NXPE2: variants seen among roughly 807,000 people sequenced by gnomAD.
The protein encoded by NXPE2 is neurexophilin and PC-esterase domain family member 2, also known as NXPE family member 2.
A neutral mutation model predicts 34.4 loss-of-function variants in NXPE2; 34 were observed. The observed-to-expected ratio is 0.99, with a 90% CI of 0.75 to 1.31. NXPE2 has a LOEUF of 1.31. Ranked by LOEUF, NXPE2 falls within the 40% of genes most tolerant of loss-of-function variation. The pLI is 0.00. For missense variants in NXPE2, 649 were observed against 672.5 expected, an observed-to-expected ratio of 0.97 and a Z score of 0.39; for synonymous variants, 235 against 231.3, an observed-to-expected ratio of 1.02 and a Z score of -0.15.
the NXPE2 span, among the ~76,000 whole-genome samples, chr11:114,633,406 T>A: frequency 2.7e-5 from 4 of 145,504 alleles, no homozygotes; most frequent in Non-Finnish European, 6.0e-5. Flanking sequence ...TATATTATAT[T>A]TTATTATATG....
the NXPE2 span, chr11:114,523,168 T>C: frequency 5.8e-6 from 6 of 1,038,822 alleles, no homozygotes; most frequent in African/African-American, 7.9e-5. Context: ...TCTTTCATTT[T>C]CTTGCTCTCT....
the NXPE2 span, among the ~76,000 whole-genome samples, chr11:114,801,820 T>C: frequency 6.6e-6 from 1 of 152,088 alleles, no homozygotes; most frequent in Admixed American, 6.5e-5. Flanking sequence ...TACTATTTAC[T>C]GAGATGGGAA....
At chr11:114,809,115 C>T in the NXPE2 span, among the ~76,000 whole-genome samples, 5 of 152,006 alleles carry the variant, frequency 3.3e-5, no homozygotes, top group Admixed American at 6.6e-5. Context: ...TCAATAGATG[C>T]AGAAAAGGCC....
At chr11:114,472,571 A>T in the NXPE2 span, among the ~76,000 whole-genome samples, 1 of 152,220 alleles carries the variant, frequency 6.6e-6, no homozygotes, top group East Asian at 1.9e-4. Context: ...AAAATAGCAT[A>T]GACTGGGTGG....
chr11:114,808,617 A>G, the NXPE2 span, among the ~76,000 whole-genome samples: 4 of 115,076 alleles, frequency 3.5e-5, no homozygotes, highest in Non-Finnish European at 7.3e-5. Context: ...ATTCCTCGAC[A>G]CATGCATCCT....
the NXPE2 span, among the ~76,000 whole-genome samples, chr11:114,602,654 C>G: frequency 7.1e-6 from 1 of 141,024 alleles, no homozygotes; most frequent in African/African-American, 2.6e-5. Context: ...ATAATTTTCT[C>G]ATATATAATA....
At chr11:114,696,294 T>G (rs1228434578) in intron 2 of NXPE2, among the ~76,000 whole-genome samples, 1 of 136,066 alleles carries the variant, frequency 7.3e-6, no homozygotes, top group African/African-American at 2.8e-5. Context: ...ATTGTGCCAC[T>G]GCAATCCAGC....
the NXPE2 span, among the ~76,000 whole-genome samples, chr11:114,496,166 G>A: frequency 6.6e-6 from 1 of 152,106 alleles, no homozygotes; most frequent in Non-Finnish European, 1.5e-5. Context: ...AGCCCATGGT[G>A]GTGGGTCTTG....
At chr11:114,670,572 G>A in the NXPE2 span, among the ~76,000 whole-genome samples, 4 of 151,946 alleles carry the variant, frequency 2.6e-5, no homozygotes, top group African/African-American at 9.6e-5. Context: ...CACACCTGTG[G>A]TCCTAGCTAC....
the NXPE2 span, among the ~76,000 whole-genome samples, chr11:114,578,362 G>A: frequency 6.6e-6 from 1 of 152,152 alleles, no homozygotes; most frequent in Non-Finnish European, 1.5e-5. Flanking sequence ...ATTAAAAGAT[G>A]AGTCGAAGAG....
the NXPE2 span, among the ~76,000 whole-genome samples, chr11:114,467,147 C>T: frequency 1.3e-5 from 2 of 152,112 alleles, no homozygotes; most frequent in East Asian, 1.9e-4. Context: ...CAAAGGAAAA[C>T]ATCTATCTGT....
chr11:114,622,766 C>T, the NXPE2 span, among the ~76,000 whole-genome samples: 7 of 152,046 alleles, frequency 4.6e-5, no homozygotes, highest in Admixed American at 2.6e-4. Context: ...AGTGTTGCCT[C>T]ATGGGTAATC....
chr11:114,614,405 C>A, the NXPE2 span, among the ~76,000 whole-genome samples: 3 of 151,800 alleles, frequency 2.0e-5, no homozygotes, highest in African/African-American at 7.3e-5. Flanking sequence ...TCTAGGGTAA[C>A]CACTGTTACC....
At chr11:114,609,704 T>A in the NXPE2 span, among the ~76,000 whole-genome samples, 19 of 151,788 alleles carry the variant, frequency 1.3e-4, no homozygotes, top group East Asian at 2.7e-3. Flanking sequence ...GTAACCACTG[T>A]TACCCGGTGG....
At chr11:114,805,417 T>C in the NXPE2 span, among the ~76,000 whole-genome samples, 1 of 151,728 alleles carries the variant, frequency 6.6e-6, no homozygotes, top group Non-Finnish European at 1.5e-5. Flanking sequence ...GCACAAGGGG[T>C]CAGGGAATTC....
chr11:114,632,178 TAATA>T, the NXPE2 span, among the ~76,000 whole-genome samples: 5,531 of 142,118 alleles, frequency 0.039, 173 homozygotes, highest in Middle Eastern at 0.097. Context: ...ATATAATATA[TAATA>T]AATAAATGAT....
At chr11:114,628,659 A>G in the NXPE2 span, among the ~76,000 whole-genome samples, 4 of 149,216 alleles carry the variant, frequency 2.7e-5, no homozygotes. Flanking sequence ...AAGGCAAGAA[A>G]TAACTAAAAT....
chr11:114,808,406 C>CT, the NXPE2 span, among the ~76,000 whole-genome samples: 1 of 151,116 alleles, frequency 6.6e-6, no homozygotes, highest in East Asian at 1.9e-4. Context: ...AATCCAGGAG[C>CT]TGGTTTTTTG....
the NXPE2 span, among the ~76,000 whole-genome samples, chr11:114,725,994 A>ATATATATATATATATATATAT: frequency 3.2e-3 from 279 of 87,446 alleles, 17 homozygotes; most frequent in Non-Finnish European, 4.6e-3. Context: ...TATATATATA[A>ATATATATATATATATATATAT]AAAGAAAAAG....
Sources: gnomAD v4.1 joint callset for allele counts (sites outside exome capture counted in the v4.1 genomes callset) on GRCh38, gnomAD v4.1.1 for gene constraint, MANE v1.5 for transcripts, NCBI Gene and HGNC (gene_info 2026-07-23, HGNC 2026-07-21) for gene names.